The following SCAF8 variants were observed in gnomAD, a reference collection of about 807,000 sequenced individuals.
SCAF8 encodes the protein SR-related CTD associated factor 8, also known as SR-related and CTD-associated factor 8.
SCAF8 carries 23 observed loss-of-function variants against 140.5 expected under a neutral mutation model. The ratio of observed to expected loss-of-function variants is 0.16; its 90% CI spans 0.12 to 0.23. The LOEUF (loss-of-function observed/expected upper bound fraction) is 0.23. SCAF8 is among the 10% of genes least tolerant of loss of function. SCAF8 has a pLI of 1.00. For synonymous variants in SCAF8, 575 were observed against 528.9 expected, an observed-to-expected ratio of 1.09 and a Z score of -1.20; for missense variants, 1,397 against 1,555.7, an observed-to-expected ratio of 0.90 and a Z score of 1.72.
chr6:154,764,523 A>T (rs1038571341), intron 1 of SCAF8, among the ~76,000 whole-genome samples: 3 of 152,196 alleles, frequency 2.0e-5, no homozygotes, highest in Non-Finnish European at 4.4e-5. Flanking sequence ...AAGTTCAGAG[A>T]GAGTAACAGC....
chr6:154,788,190 T>C (rs1483991856), intron 4 of SCAF8, among the ~76,000 whole-genome samples, 168 bp downstream of exon 4: 1 of 152,200 alleles, frequency 6.6e-6, no homozygotes, highest in Non-Finnish European at 1.5e-5. Context: ...ACCATATTTT[T>C]ATTTTACCAT....
rs1041409826 is a variant in SCAF8, at chr6:154,829,034, A to T, written c.2140+1794A>T. ...AAGGTGTATAATCATAACTAGGGGT[A>T]CATGTGCAGGTATCTATAAATATTT... On this transcript the variant is annotated intron_variant, in intron 18 of 19. Transcript: ENST00000367178. 4.6e-5 allele frequency among the ~76,000 whole-genome samples: 7 copies of T among 152,214 alleles called. No individual in the cohort carries two copies. In the East Asian group the frequency reaches 1.3e-3, roughly 29 times the overall value.
chr6:154,794,581 A>G (rs1777531198), intron 5 of SCAF8, among the ~76,000 whole-genome samples: 1 of 152,194 alleles, frequency 6.6e-6, no homozygotes, highest in South Asian at 2.1e-4. Flanking sequence ...TTTATAAGTT[A>G]ACCTTTATCA....
intron 2 of SCAF8, among the ~76,000 whole-genome samples, chr6:154,776,763 G>A (rs140689572): frequency 1.6e-3 from 248 of 152,268 alleles, no homozygotes; most frequent in African/African-American, 5.6e-3. Context: ...GTGAATATGA[G>A]TTCATGATGT....
intron 1 of SCAF8, among the ~76,000 whole-genome samples, chr6:154,765,139 T>G (rs1776524687): frequency 6.6e-6 from 1 of 152,236 alleles, no homozygotes; most frequent in Non-Finnish European, 1.5e-5. Flanking sequence ...ATATTCTTTT[T>G]CTAAAGTACT....
intron 12 of SCAF8, among the ~76,000 whole-genome samples, chr6:154,810,886 T>A (rs1218220456): frequency 2.6e-5 from 4 of 152,254 alleles, no homozygotes; most frequent in Middle Eastern, 6.8e-3. Flanking sequence ...ATCGAACAAA[T>A]TGTCATTCTT....
chr6:154,795,427 G>A (rs1424524689), intron 6 of SCAF8, among the ~76,000 whole-genome samples: 1 of 152,184 alleles, frequency 6.6e-6, no homozygotes. Context: ...CAAGACAGGA[G>A]TCCTATCTTA....
At chr6:154,821,311 C>A (rs1345206871) in intron 15 of SCAF8, among the ~76,000 whole-genome samples, 1 of 151,832 alleles carries the variant, frequency 6.6e-6, no homozygotes, top group Non-Finnish European at 1.5e-5. Flanking sequence ...TTTATTGAAA[C>A]ATAGCCATGC....
chr6:154,824,813 C>T lies in SCAF8; in HGVS notation c.2071+435C>T, dbSNP rs945326382. Reference sequence around the variant, plus strand: ...CAAAAATTAGCTAGACGTGGTGGCACAGGTCTGTAATTCCAGCTACTCGGG... The same window carrying T: ...CAAAAATTAGCTAGACGTGGTGGCATAGGTCTGTAATTCCAGCTACTCGGG... On this transcript the variant is annotated intron_variant, in intron 17 of 19. Coordinates refer to ENST00000367178, the MANE Select transcript of SCAF8 (RefSeq NM_014892.5). The T allele has an allele frequency of 1.5e-4, 23 of 153,462 alleles. 1 individual carries two copies. The highest frequency in any genetic ancestry group is 8.7e-5 in the Non-Finnish European group (6 of 69,090). The allele number at this position is 153,462 out of a possible 1,614,324, so 9.5% of individuals were successfully genotyped here.
chr6:154,807,934 A>G (rs1777969725), intron 9 of SCAF8, 136 bp from the exon 10 acceptor site: 4 of 698,746 alleles, frequency 5.7e-6, no homozygotes, highest in Non-Finnish European at 8.9e-6. Context: ...TACTTTATAA[A>G]TGATTTAACA....
chr6:154,778,428 C>T (rs1442642270), intron 3 of SCAF8, among the ~76,000 whole-genome samples: 1 of 152,074 alleles, frequency 6.6e-6, no homozygotes, highest in East Asian at 1.9e-4. Flanking sequence ...TCATTGAGTT[C>T]TTTTTTCTTT....
intron 1 of SCAF8, among the ~76,000 whole-genome samples, chr6:154,751,885 G>A (rs890123965): frequency 2.6e-5 from 4 of 152,080 alleles, no homozygotes; most frequent in Admixed American, 6.5e-5. Flanking sequence ...CAGAAAATAC[G>A]CTTTCCTTGG....
At chr6:154,746,969 AAGC>A (rs1778715260) in intron 1 of SCAF8, among the ~76,000 whole-genome samples, 1 of 152,224 alleles carries the variant, frequency 6.6e-6, no homozygotes, top group African/African-American at 2.4e-5. Flanking sequence ...CAAAACAGCA[AAGC>A]ATTTATTTAA....
At chr6:154,739,012 C>CT (rs1213082616) in intron 1 of SCAF8, among the ~76,000 whole-genome samples, 1 of 152,122 alleles carries the variant, frequency 6.6e-6, no homozygotes, top group East Asian at 1.9e-4. Context: ...TTGTTTAAGA[C>CT]TGAGTTTCTC....
intron 1 of SCAF8, 132 bp downstream of exon 1, chr6:154,734,062 C>T (rs930331088): frequency 1.5e-6 from 2 of 1,312,070 alleles, no homozygotes; most frequent in South Asian, 2.1e-5. Flanking sequence ...TAGCAGTGCC[C>T]GTGGGGGAGG....
intron 1 of SCAF8, among the ~76,000 whole-genome samples, chr6:154,760,154 T>C (rs796467378): frequency 6.6e-6 from 1 of 151,868 alleles, no homozygotes; most frequent in South Asian, 2.1e-4. Flanking sequence ...ATTAGCCAGA[T>C]GTAGTGGTGC....
chr6:154,820,437 T>C, intron 15 of SCAF8, 104 bp downstream of exon 15: 1 of 915,242 alleles, frequency 1.1e-6, no homozygotes, highest in Middle Eastern at 3.3e-4. Flanking sequence ...CCTGGATTCA[T>C]CTCCCAAAAA....
intron 16 of SCAF8, 55 bp downstream of exon 16, chr6:154,822,464 T>C: frequency 6.5e-7 from 1 of 1,527,644 alleles, no homozygotes; most frequent in South Asian, 1.2e-5. Context: ...TTTCTGTTTT[T>C]AATCATGTAT....
At chr6:154,796,389 C>CTCTT (rs376622207) in intron 6 of SCAF8, among the ~76,000 whole-genome samples, 1 of 140,968 alleles carries the variant, frequency 7.1e-6, no homozygotes, top group Non-Finnish European at 1.5e-5. Context: ...CTCTCTCTCT[C>CTCTT]TCTGTCTCTC....
Sources: allele counts gnomAD v4.1 joint callset (sites outside exome capture counted in the v4.1 genomes callset), GRCh38; gene constraint gnomAD v4.1.1; transcripts MANE v1.5; gene names NCBI Gene and HGNC (gene_info 2026-07-23, HGNC 2026-07-21).